AOX1: variants seen among roughly 807,000 people sequenced by gnomAD.
AOX1 encodes the protein aldehyde oxidase.
AOX1 carries 153 observed loss-of-function variants against 169.5 expected under a neutral mutation model. That is an observed-to-expected ratio of 0.90 (90% CI 0.79 to 1.03). The LOEUF (loss-of-function observed/expected upper bound fraction) is 1.03. Ranked by LOEUF, AOX1 falls within the 50% of genes least tolerant of loss-of-function variation. AOX1 has a pLI of 0.00. For synonymous variants in AOX1, 562 were observed against 581.9 expected (o/e 0.97, Z 0.49); for missense variants, 1,656 against 1,663.9 (o/e 1.00, Z 0.08).
intron 25 of AOX1, among the ~76,000 whole-genome samples, chr2:200,648,222 G>T (rs1466430514): frequency 6.6e-6 from 1 of 152,160 alleles, no homozygotes; most frequent in Admixed American, 6.5e-5. Flanking sequence ...GGTAGGCTCT[G>T]TCAGAAGGAA....
chr2:200,630,390 A>G (rs4621154), intron 20 of AOX1, among the ~76,000 whole-genome samples: 72,428 of 151,456 alleles, frequency 0.48, 17,961 homozygotes, highest in East Asian at 0.8. Context: ...AGGTGTGGTG[A>G]CAAACACCTG....
In AOX1 at chr2:200,603,334, C is replaced by T. The variant is rs1472993747; in HGVS notation, c.566C>T (p.Pro189Leu). 1.2e-6 allele frequency: 2 copies of T among 1,613,566 alleles called. No homozygotes were observed. Among genetic ancestry groups the T allele is most frequent in the African/African-American group, 1.3e-5 (1 of 74,850 alleles). Residue 189 changes from proline to leucine, a missense_variant, in exon 7 of 35, where the codon CCA becomes CTA. Pro to Leu is a moderately conservative substitution (Grantham distance 98). Coordinates refer to ENST00000374700, the MANE Select transcript of AOX1 (RefSeq NM_001159.4). ...TTGGATCAAGGAATCAATGGATTGC[C>T]AGAATTTGAGGAAGGAAGTAAGGTC... ...CCLDQGINGL[P>L]EFEEGSKTSP... is the part of the protein sequence containing the mutation.
At chr2:200,630,210 TAAAAAAAAA>T (rs57410809) in intron 20 of AOX1, among the ~76,000 whole-genome samples, 7 of 95,528 alleles carry the variant, frequency 7.3e-5, no homozygotes, top group South Asian at 3.2e-4. Flanking sequence ...TCCTTCTATT[TAAAAAAAAA>T]AAAAAAAAAA....
At position 200,651,089 on chromosome 2, in the gene AOX1, T is replaced by G. The variant is rs763873321; in HGVS notation, c.2963T>G (p.Leu988Trp). 6.2e-7 allele frequency: 1 copy of G among 1,614,116 alleles called. No individual in the cohort carries two copies. The highest frequency in any genetic ancestry group is 1.1e-5 in the South Asian group (1 of 91,072). Residue 988 changes from leucine (L) to tryptophan (W), a missense_variant, in exon 26 of 35, where the codon TTG (leucine) becomes TGG (tryptophan). Transcript: ENST00000374700. The part of the protein sequence containing the change: ...RECMAMSSYS[L>W]RKVAVEKFNA... ...TGTATGGCCATGTCTTCCTACTCCT[T>G]GAGGAAAGTTGCTGTGGAAAAGTTC... is the stretch of plus-strand genomic sequence containing the variant.
At chr2:200,653,320 C>T (rs1009226845) in intron 26 of AOX1, among the ~76,000 whole-genome samples, 1 of 152,136 alleles carries the variant, frequency 6.6e-6, no homozygotes, top group South Asian at 2.1e-4. Flanking sequence ...GACCAAACTC[C>T]GTGGAGGGCA....
chr2:200,615,928 C>G (rs775466464), intron 15 of AOX1, 43 bp from the exon 16 acceptor site: 2 of 1,409,374 alleles, frequency 1.4e-6, no homozygotes, highest in Non-Finnish European at 1.0e-6. Flanking sequence ...CATTCTGGTG[C>G]ATTCAAACTA....
rs1410924611 is a variant in AOX1 at position 200,617,693 on chromosome 2, C to T, written c.1704+1630C>T. On this transcript the variant is annotated intron_variant, in intron 16 of 34. Coordinates refer to ENST00000374700, the MANE Select transcript of AOX1 (RefSeq NM_001159.4). ...ATTACAGATACCTATGAATGTCTTTCCTTAATGTCTGAGCTTATGAATTAT... is the reference window on the plus strand; with the variant it reads ...ATTACAGATACCTATGAATGTCTTTTCTTAATGTCTGAGCTTATGAATTAT... Among the ~76,000 whole-genome samples, 5 of 152,088 alleles carry T rather than the reference C, an allele frequency of 3.3e-5. No homozygotes were observed. In the East Asian group the frequency reaches 7.8e-4, roughly 24 times the overall value.
chr2:200,612,108 G>A (rs997052939), intron 13 of AOX1, among the ~76,000 whole-genome samples: 4 of 151,420 alleles, frequency 2.6e-5, no homozygotes, highest in African/African-American at 9.7e-5. Context: ...ATGACATGAA[G>A]AGTATGCCTC....
At chr2:200,604,254 G>A (rs1366098635) in intron 8 of AOX1, among the ~76,000 whole-genome samples, 157 bp downstream of exon 8, 1 of 152,204 alleles carries the variant, frequency 6.6e-6, no homozygotes, top group African/African-American at 2.4e-5. Flanking sequence ...CTAAGGAAGA[G>A]GAGGAGGAAT....
rs2034941427 is a variant in AOX1, at chr2:200,623,841, A to G, written c.2002-20A>G. ...CTGATGCCTGCCCTCCTTGACAACA[A>G]AGGTCTTTCTGTGTCGTAGGTGTTC... is the stretch of plus-strand genomic sequence containing the variant. On this transcript the variant is annotated intron_variant, in intron 18 of 34. Transcript: ENST00000374700. The G allele has an allele frequency of 6.2e-7, 1 of 1,613,046 alleles. No homozygotes were observed. The highest frequency in any genetic ancestry group is 1.3e-5 in the African/African-American group (1 of 74,876).
intron 34 of AOX1, 106 bp downstream of exon 34, chr2:200,669,848 C>T: frequency 8.1e-7 from 1 of 1,240,372 alleles, no homozygotes; most frequent in Non-Finnish European, 1.1e-6. Context: ...CTTTTCTTGC[C>T]AGAAAAGGTG....
chr2:200,672,903 C>T (rs1330047328), downstream of AOX1, among the ~76,000 whole-genome samples: 2 of 152,122 alleles, frequency 1.3e-5, no homozygotes, highest in East Asian at 3.8e-4. Context: ...GTGCCTGGCC[C>T]GTTTGTGGAG....
chr2:200,666,669 A>G lies in AOX1; in HGVS notation c.3544-18A>G. 2 of 1,578,066 alleles carry G rather than the reference A, an allele frequency of 1.3e-6. No individual in the cohort carries two copies. Among genetic ancestry groups the G allele is most frequent in the Non-Finnish European group, 1.7e-6 (2 of 1,161,480 alleles). On this transcript the variant is annotated intron_variant, in intron 31 of 34. Coordinates refer to ENST00000374700, the MANE Select transcript of AOX1 (RefSeq NM_001159.4). ...TATTCTCATTAAAATAAACATTTTAACTTTTTTTTAATACTAGAACATCAG... is the reference window on the plus strand; with the variant it reads ...TATTCTCATTAAAATAAACATTTTAGCTTTTTTTTAATACTAGAACATCAG...
chr2:200,598,958 G>T (rs539140938), intron 4 of AOX1, among the ~76,000 whole-genome samples: 2 of 152,150 alleles, frequency 1.3e-5, no homozygotes, highest in South Asian at 4.2e-4. Flanking sequence ...TTAACTAGAG[G>T]GAGAGAATTC....
chr2:200,633,431 T>C (rs2035167837), intron 20 of AOX1, among the ~76,000 whole-genome samples: 1 of 152,176 alleles, frequency 6.6e-6, no homozygotes, highest in South Asian at 2.1e-4. Context: ...CAATTTCTAT[T>C]GTTCTATATT....
Position 200,603,291 on chromosome 2 carries a change from G to T in AOX1, c.523G>T (p.Glu175Ter). 1 of 1,613,922 alleles carries T rather than the reference G, an allele frequency of 6.2e-7. No individual in the cohort carries two copies. Reference sequence around the variant, plus strand: ...GACTTCGGGCTGCTGTCAAAGTAAAGAAAATGGGGTTTGCTGTTTGGATCA... The same window carrying T: ...GACTTCGGGCTGCTGTCAAAGTAAATAAAATGGGGTTTGCTGTTTGGATCA... ...CKTSGCCQSK[E>*]NGVCCLDQGI... The change falls in exon 7 of 35, where the codon GAA becomes TAA. Residue 175 changes from glutamate (E) to a stop codon, truncating the protein, a stop_gained. Coordinates refer to ENST00000374700, the MANE Select transcript of AOX1 (RefSeq NM_001159.4). LOFTEE classifies it high-confidence loss of function.
At chr2:200,644,107 C>T (rs1219915723) in intron 25 of AOX1, among the ~76,000 whole-genome samples, 1 of 152,130 alleles carries the variant, frequency 6.6e-6, no homozygotes, top group African/African-American at 2.4e-5. Flanking sequence ...ATCGCATTTG[C>T]TTTTGAGTTC....
chr2:200,652,596 C>T (rs1191626105), intron 26 of AOX1, among the ~76,000 whole-genome samples: 1 of 152,150 alleles, frequency 6.6e-6, no homozygotes, highest in African/African-American at 2.4e-5. Context: ...TAGTCAGGAT[C>T]ATCAGGAAAA....
intron 22 of AOX1, 131 bp from the exon 23 acceptor site, chr2:200,638,084 G>T: frequency 1.4e-6 from 1 of 711,596 alleles, no homozygotes; most frequent in Non-Finnish European, 2.4e-6. Context: ...CAGAGGATAG[G>T]CATGCGAAAT....
Sources: allele counts gnomAD v4.1 joint callset (sites outside exome capture counted in the v4.1 genomes callset), GRCh38; gene constraint gnomAD v4.1.1; transcripts MANE v1.5; gene names NCBI Gene and HGNC (gene_info 2026-07-23, HGNC 2026-07-21).